CACNA2D3: variants seen among roughly 807,000 people sequenced by gnomAD.
CACNA2D3 encodes the protein calcium voltage-gated channel auxiliary subunit alpha2delta 3.
CACNA2D3 carries 60 observed loss-of-function variants against 160.6 expected under a neutral mutation model. The ratio of observed to expected loss-of-function variants is 0.37; its 90% CI spans 0.30 to 0.46. The LOEUF is 0.46. CACNA2D3 is among the 20% of genes least tolerant of loss of function. The probability of loss-of-function intolerance (pLI) is 1.00; values close to 1 mark genes in which losing one functional copy is unlikely to be tolerated. For synonymous variants in CACNA2D3, 558 were observed against 492.9 expected (o/e 1.13, Z -1.75); for missense variants, 1,205 against 1,365.0 (o/e 0.88, Z 1.85).
At chr3:54,359,592 T>C (rs1698708450) in intron 3 of CACNA2D3, among the ~76,000 whole-genome samples, 1 of 152,146 alleles carries the variant, frequency 6.6e-6, no homozygotes, top group Non-Finnish European at 1.5e-5. Flanking sequence ...GAACACAAGT[T>C]CCAGGCGACA....
chr3:54,945,468 A>T (rs1162905556), intron 27 of CACNA2D3, among the ~76,000 whole-genome samples: 1 of 152,192 alleles, frequency 6.6e-6, no homozygotes, highest in Non-Finnish European at 1.5e-5. Context: ...GGAGCCAATG[A>T]GTGTCTCCAG....
chr3:54,908,815 G>T (rs1486407654), intron 27 of CACNA2D3, among the ~76,000 whole-genome samples: 1 of 152,218 alleles, frequency 6.6e-6, no homozygotes, highest in Non-Finnish European at 1.5e-5. Context: ...TATTGTCTGT[G>T]AATACCTTCT....
intron 5 of CACNA2D3, among the ~76,000 whole-genome samples, chr3:54,554,272 T>C (rs1702205226): frequency 6.6e-6 from 1 of 152,176 alleles, no homozygotes; most frequent in African/African-American, 2.4e-5. Flanking sequence ...TACACCTATT[T>C]CTACTTGAAA....
chr3:54,158,977 T>C (rs1255830751), intron 2 of CACNA2D3, among the ~76,000 whole-genome samples: 1 of 152,246 alleles, frequency 6.6e-6, no homozygotes, highest in Non-Finnish European at 1.5e-5. Context: ...TTTTATCTCC[T>C]GGAAGAAGCC....
At chr3:54,887,101 T>A (rs1699944623) in intron 23 of CACNA2D3, among the ~76,000 whole-genome samples, 1 of 152,118 alleles carries the variant, frequency 6.6e-6, no homozygotes, top group African/African-American at 2.4e-5. Context: ...AAGAGTCCCT[T>A]TGGATGGCAA....
intron 2 of CACNA2D3, among the ~76,000 whole-genome samples, chr3:54,250,710 A>T (rs1022144661): frequency 5.9e-5 from 9 of 152,190 alleles, no homozygotes; most frequent in African/African-American, 2.2e-4. Context: ...TGCTTGGCTT[A>T]CGTAAAATAA....
chr3:54,426,453 C>T (rs1446732944), intron 4 of CACNA2D3, among the ~76,000 whole-genome samples: 1 of 152,176 alleles, frequency 6.6e-6, no homozygotes, highest in Non-Finnish European at 1.5e-5. Context: ...TTGTTTCTCA[C>T]ATTAAATTTA....
At chr3:54,346,200 T>C (rs1167431581) in intron 3 of CACNA2D3, among the ~76,000 whole-genome samples, 2 of 152,112 alleles carry the variant, frequency 1.3e-5, no homozygotes, top group Non-Finnish European at 2.9e-5. Flanking sequence ...CCGTAAAACA[T>C]GGCATGGAGG....
At chr3:54,466,019 C>T (rs1164256181) in intron 4 of CACNA2D3, among the ~76,000 whole-genome samples, 1 of 152,192 alleles carries the variant, frequency 6.6e-6, no homozygotes, top group Non-Finnish European at 1.5e-5. Context: ...GTCCCCTCCA[C>T]CTTCAAAACC....
rs770847396 is a variant in CACNA2D3, at chr3:54,123,528, C to T, written c.138C>T (p.Ala46=). The T allele has an allele frequency of 3.5e-5, 56 of 1,613,694 alleles. No individual in the cohort carries two copies. Among genetic ancestry groups the T allele is most frequent in the Non-Finnish European group, 4.7e-5 (55 of 1,179,814 alleles). The part of the protein sequence containing the change: ...QIPLSVVKLW[A]SAFGGEIKSI... ...CTCCCTGTAGGGTGAAGCTCTGGGC[C>T]TCGGCTTTTGGTGGGGAGATAAAAT... The change falls in exon 2 of 38, where the codon GCC becomes GCT. Residue 46 remains alanine (A), a synonymous_variant. Transcript: ENST00000474759.
chr3:54,450,519 G>A (rs1436276256), intron 4 of CACNA2D3, among the ~76,000 whole-genome samples: 1 of 152,060 alleles, frequency 6.6e-6, no homozygotes, highest in Non-Finnish European at 1.5e-5. Context: ...CCATAGGAGA[G>A]GATCCCTCAT....
chr3:54,967,136 A>G (rs997104228), intron 27 of CACNA2D3: 2 of 152,188 alleles, frequency 1.3e-5, no homozygotes, highest in Admixed American at 1.3e-4. Flanking sequence ...TCTTTATCCT[A>G]GAGTCGGAAA....
At chr3:54,811,527 T>G in intron 13 of CACNA2D3, among the ~76,000 whole-genome samples, 1 of 133,824 alleles carries the variant, frequency 7.5e-6, no homozygotes, top group African/African-American at 2.8e-5. Context: ...AGACAGCATC[T>G]CACTCTGTCA....
intron 2 of CACNA2D3, among the ~76,000 whole-genome samples, chr3:54,138,509 G>A (rs943567569): frequency 1.3e-5 from 2 of 152,200 alleles, no homozygotes; most frequent in African/African-American, 4.8e-5. Context: ...ACTGCATCCG[G>A]TGTTTGTTAT....
chr3:54,290,479 AC>A (rs1559910917), intron 2 of CACNA2D3, among the ~76,000 whole-genome samples: 1 of 151,978 alleles, frequency 6.6e-6, no homozygotes, highest in East Asian at 1.9e-4. Flanking sequence ...AACTAGTTCA[AC>A]CATTGTGGAA....
At chr3:54,242,656 G>A (rs1274701421) in intron 2 of CACNA2D3, among the ~76,000 whole-genome samples, 3 of 152,124 alleles carry the variant, frequency 2.0e-5, no homozygotes, top group African/African-American at 7.2e-5. Context: ...GTGTGACTAC[G>A]CCCGACAAAG....
At chr3:54,445,214 T>G (rs1404246610) in intron 4 of CACNA2D3, among the ~76,000 whole-genome samples, 1 of 152,210 alleles carries the variant, frequency 6.6e-6, no homozygotes, top group African/African-American at 2.4e-5. Context: ...CTTCAGCCAT[T>G]GGCACCCTGT....
intron 27 of CACNA2D3, among the ~76,000 whole-genome samples, chr3:54,926,066 T>A (rs962308261): frequency 2.6e-5 from 4 of 152,240 alleles, no homozygotes; most frequent in Non-Finnish European, 1.5e-5. Flanking sequence ...GCATTACTTA[T>A]GCAGTTGAAC....
At chr3:55,023,114 G>A (rs1703496317) in intron 35 of CACNA2D3, among the ~76,000 whole-genome samples, 3 of 152,052 alleles carry the variant, frequency 2.0e-5, no homozygotes, top group Admixed American at 6.5e-5. Context: ...ACTCAACAGT[G>A]ATGGTTTATC....
Sources: allele counts gnomAD v4.1 joint callset (sites outside exome capture counted in the v4.1 genomes callset), GRCh38; gene constraint gnomAD v4.1.1; transcripts MANE v1.5; gene names NCBI Gene and HGNC (gene_info 2026-07-23, HGNC 2026-07-21).